The following CHN2 variants were observed in gnomAD, a reference collection of about 807,000 sequenced individuals.
CHN2 encodes beta-chimaerin.
A neutral mutation model predicts 56.3 loss-of-function variants in CHN2; 35 were observed. The ratio of observed to expected loss-of-function variants is 0.62; its 90% confidence interval spans 0.47 to 0.82. The LOEUF is 0.82. CHN2 is among the 40% of genes least tolerant of loss of function. The pLI, the probability that CHN2 is intolerant of heterozygous loss-of-function variation, is 0.00. For missense variants in CHN2, 491 were observed against 580.5 expected, an observed-to-expected ratio of 0.85 and a Z score of 1.58; for synonymous variants, 210 against 212.8, an observed-to-expected ratio of 0.99 and a Z score of 0.12.
chr7:29,337,569 C>G (rs1796719765), intron 1 of CHN2, among the ~76,000 whole-genome samples: 1 of 152,210 alleles, frequency 6.6e-6, no homozygotes, highest in Non-Finnish European at 1.5e-5. Context: ...GTTTGCCTTA[C>G]TCTTAACCCT....
intron 1 of CHN2, among the ~76,000 whole-genome samples, chr7:29,329,074 A>G (rs1373461305): frequency 2.0e-5 from 3 of 152,164 alleles, no homozygotes; most frequent in Non-Finnish European, 2.9e-5. Flanking sequence ...GTCTGGGGTT[A>G]TTCATTGCAG....
exon 1 of CHN2, chr7:29,146,633 T>C (rs1202455793): frequency 6.4e-7 from 1 of 1,550,534 alleles, no homozygotes. Context: ...CCCAACCTCC[T>C]GGTCCCAGAA....
chr7:29,440,684 CAAAAAAAAAAAAA>C (rs556692737), intron 6 of CHN2, among the ~76,000 whole-genome samples: 2 of 45,650 alleles, frequency 4.4e-5, no homozygotes, highest in Non-Finnish European at 1.1e-4. Flanking sequence ...GACTCCGTCT[CAAAAAAAAAAAAA>C]AAAAAAAAAA....
intron 1 of CHN2, among the ~76,000 whole-genome samples, chr7:29,331,239 C>G (rs1796187885): frequency 6.6e-6 from 1 of 152,182 alleles, no homozygotes; most frequent in Non-Finnish European, 1.5e-5. Flanking sequence ...TGTTGAAGAG[C>G]AGTTAATGGA....
At chr7:29,248,297 A>G (rs911379954) in intron 1 of CHN2, among the ~76,000 whole-genome samples, 6 of 152,204 alleles carry the variant, frequency 3.9e-5, no homozygotes, top group African/African-American at 1.2e-4. Flanking sequence ...TGGCAGCCAC[A>G]TGGGACACTG....
At chr7:29,356,125 C>T (rs572561518) in intron 2 of CHN2, among the ~76,000 whole-genome samples, 9 of 151,984 alleles carry the variant, frequency 5.9e-5, no homozygotes, top group South Asian at 2.1e-4. Context: ...AAGGAAACCA[C>T]GGCTCAGGGA....
At chr7:29,200,467 TC>T (rs1326767373) in intron 1 of CHN2, among the ~76,000 whole-genome samples, 3 of 35,086 alleles carry the variant, frequency 8.6e-5, no homozygotes, top group Non-Finnish European at 1.7e-4. Flanking sequence ...CCTTCCCCCC[TC>T]CCCCCTTCCC....
At chr7:29,431,079 T>G (rs1227851792) in intron 6 of CHN2, among the ~76,000 whole-genome samples, 1 of 152,130 alleles carries the variant, frequency 6.6e-6, no homozygotes, top group East Asian at 1.9e-4. Context: ...GCCTAACCAG[T>G]AAGCGTACCT....
At chr7:29,388,289 A>C (rs1019339966) in intron 3 of CHN2, among the ~76,000 whole-genome samples, 2 of 152,220 alleles carry the variant, frequency 1.3e-5, no homozygotes, top group African/African-American at 4.8e-5. Context: ...TTAGGAAAAA[A>C]ATGGCAAATA....
At chr7:29,285,039 G>C (rs147883169) in intron 1 of CHN2, among the ~76,000 whole-genome samples, 1 of 152,288 alleles carries the variant, frequency 6.6e-6, no homozygotes, top group East Asian at 1.9e-4. Flanking sequence ...CAGACTGGGG[G>C]AGCTGCTCTA....
At chr7:29,304,406 T>C (rs1014296626) in intron 1 of CHN2, among the ~76,000 whole-genome samples, 10 of 152,144 alleles carry the variant, frequency 6.6e-5, no homozygotes, top group Non-Finnish European at 1.3e-4. Flanking sequence ...AAATTGTAAT[T>C]GTAGAGAGAG....
chr7:29,178,089 C>T (rs1295411950), intron 2 of CHN2, among the ~76,000 whole-genome samples: 4 of 152,152 alleles, frequency 2.6e-5, no homozygotes, highest in Admixed American at 6.5e-5. Flanking sequence ...TCAGATTCTA[C>T]CCTAAGTCTG....
At chr7:29,263,136 C>T (rs534189832) in intron 1 of CHN2, among the ~76,000 whole-genome samples, 3 of 152,200 alleles carry the variant, frequency 2.0e-5, no homozygotes, top group Non-Finnish European at 4.4e-5. Flanking sequence ...CTGCCTGACT[C>T]TCCTGCCTCA....
intron 3 of CHN2, among the ~76,000 whole-genome samples, chr7:29,389,537 A>T (rs912749308): frequency 6.6e-6 from 1 of 152,122 alleles, no homozygotes; most frequent in Non-Finnish European, 1.5e-5. Context: ...AGCATCTTGA[A>T]GTTTCTGTTT....
In CHN2 at chr7:29,507,212, A is replaced by G; in HGVS notation, c.992-16A>G. 6.3e-7 allele frequency: 1 copy of G among 1,596,404 alleles called. No individual in the cohort carries two copies. Among genetic ancestry groups the G allele is most frequent in the Non-Finnish European group, 8.5e-7 (1 of 1,174,486 alleles). On this transcript the variant is annotated splice_polypyrimidine_tract_variant and intron_variant, in intron 10 of 12. Coordinates refer to ENST00000222792, the MANE Select transcript of CHN2 (RefSeq NM_004067.4). ...TAAGGTCCTAATTAGGACTTGGATC[A>G]CTGATTGTTTTTCAGATGGTGAAAA...
intron 1 of CHN2, among the ~76,000 whole-genome samples, chr7:29,205,276 G>C (rs1333574468): frequency 1.3e-5 from 2 of 152,046 alleles, no homozygotes; most frequent in African/African-American, 4.8e-5. Flanking sequence ...CTTATTTTTA[G>C]CATCCATTTT....
Position 29,419,631 on chromosome 7 carries a change from TCAA to T in CHN2, c.576+18819_576+18821del, listed in dbSNP as rs147086593. 3.9e-3 allele frequency among the ~76,000 whole-genome samples: 592 copies of T among 151,934 alleles called. 5 individuals carry two copies. Among genetic ancestry groups the T allele is most frequent in the African/African-American group, 0.013 (522 of 41,428 alleles). On this transcript the variant is annotated intron_variant, in intron 6 of 12. Coordinates refer to ENST00000222792, the MANE Select transcript of CHN2 (RefSeq NM_004067.4). ...ATGTATTTTTAAAAACTCCTACAAC[TCAA>T]CAACAACAACAACAAAAGTAAATAA...
chr7:29,351,765 G>A (rs928335229), intron 1 of CHN2, among the ~76,000 whole-genome samples: 11 of 152,218 alleles, frequency 7.2e-5, no homozygotes, highest in African/African-American at 2.7e-4. Flanking sequence ...ATTGTCTACG[G>A]TGGAGTCAGA....
intron 9 of CHN2, among the ~76,000 whole-genome samples, chr7:29,501,921 T>G (rs1475887764): frequency 2.0e-5 from 3 of 152,236 alleles, no homozygotes; most frequent in Admixed American, 2.0e-4. Flanking sequence ...AGTATGACCT[T>G]GGGCAAGTTG....
Sources: gnomAD v4.1 joint callset for allele counts (sites outside exome capture counted in the v4.1 genomes callset) on GRCh38, gnomAD v4.1.1 for gene constraint, MANE v1.5 for transcripts, NCBI Gene and HGNC (gene_info 2026-07-23, HGNC 2026-07-21) for gene names.